VMA22: variants seen among roughly 807,000 people sequenced by gnomAD.
VMA22 encodes vacuolar ATPase assembly protein VMA22.
At chr2:130,342,113 C>T in the VMA22 span, 1 of 1,613,714 alleles carries the variant, frequency 6.2e-7, no homozygotes, top group South Asian at 1.1e-5. Flanking sequence ...GCTCGCAGGT[C>T]AAGCGCCGCC....
the VMA22 span, chr2:130,342,451 A>G: frequency 9.1e-6 from 5 of 549,094 alleles, no homozygotes; most frequent in East Asian, 1.5e-4. Context: ...GCGATGGAAG[A>G]AGGCGAAGCT....
At chr2:130,341,577 A>T in the VMA22 span, 1 of 1,148,916 alleles carries the variant, frequency 8.7e-7, no homozygotes, top group Non-Finnish European at 1.3e-6. Context: ...GCTCTCTCTT[A>T]TCGCAAAAAC....
chr2:130,341,934 G>T, the VMA22 span: 1 of 1,613,628 alleles, frequency 6.2e-7, no homozygotes, highest in Non-Finnish European at 8.5e-7. Flanking sequence ...CTTGGCGAGC[G>T]AGAGCCAGCC....
chr2:130,340,968 TC>T, the VMA22 span: 1 of 1,613,894 alleles, frequency 6.2e-7, no homozygotes. Flanking sequence ...CCAAACCAGT[TC>T]AGGGGGTCCT....
the VMA22 span, chr2:130,342,214 C>T: frequency 6.4e-7 from 1 of 1,561,430 alleles, no homozygotes; most frequent in Non-Finnish European, 8.7e-7. Flanking sequence ...GATCCTCCAT[C>T]AAGGGGCGTT....
At chr2:130,341,745 C>CCTCGCTGGGA in the VMA22 span, 1 of 1,611,352 alleles carries the variant, frequency 6.2e-7, no homozygotes, top group Non-Finnish European at 8.5e-7. Flanking sequence ...CCCTCCTGGG[C>CCTCGCTGGGA]CTCGCTGAAG....
chr2:130,338,886 T>A, the VMA22 span: 19 of 527,976 alleles, frequency 3.6e-5, no homozygotes, highest in Non-Finnish European at 6.5e-5. Context: ...TGTGAGTGTG[T>A]CCTATGGGAA....
At chr2:130,340,795 G>A in the VMA22 span, 1 of 1,348,028 alleles carries the variant, frequency 7.4e-7, no homozygotes, top group South Asian at 1.2e-5. Context: ...TTGGATGGAG[G>A]AAAACCTGCA....
chr2:130,341,966 G>A, the VMA22 span: 1 of 1,613,116 alleles, frequency 6.2e-7, no homozygotes, highest in Non-Finnish European at 8.5e-7. Context: ...GGAAAGCGGT[G>A]AGACTCAGTT....
the VMA22 span, chr2:130,339,693 G>A: frequency 1.5e-6 from 2 of 1,304,402 alleles, no homozygotes; most frequent in Non-Finnish European, 2.0e-6. Flanking sequence ...CTCCTGTTCA[G>A]CAGCAGGGCT....
At chr2:130,339,826 C>T in the VMA22 span, 12 of 1,287,924 alleles carry the variant, frequency 9.3e-6, no homozygotes, top group African/African-American at 4.6e-5. Context: ...CCTCACCTCC[C>T]GTCCATACTC....
chr2:130,339,867 C>A, the VMA22 span: 2 of 1,220,030 alleles, frequency 1.6e-6, no homozygotes, highest in Non-Finnish European at 2.1e-6. Context: ...CATCCTATCT[C>A]AGCTTTAAAC....
At chr2:130,341,503 A>T in the VMA22 span, 5 of 607,672 alleles carry the variant, frequency 8.2e-6, no homozygotes, top group Non-Finnish European at 1.5e-5. Flanking sequence ...CAATTTCTCT[A>T]CTTCCTATAA....
At chr2:130,341,983 C>G in the VMA22 span, 2 of 1,613,016 alleles carry the variant, frequency 1.2e-6, no homozygotes, top group African/African-American at 1.3e-5. Context: ...AGTTTACGCC[C>G]GTGTACCCTC....
chr2:130,340,949 A>G, the VMA22 span: 9 of 1,614,064 alleles, frequency 5.6e-6, no homozygotes, highest in Non-Finnish European at 6.8e-6. Context: ...ACTGTGAGGA[A>G]CTAGGATTCC....
the VMA22 span, chr2:130,341,820 C>T: frequency 3.4e-5 from 53 of 1,553,476 alleles, 1 homozygote; most frequent in Non-Finnish European, 4.6e-5. Context: ...CCCACCCAGC[C>T]CAGCATGGAA....
chr2:130,339,170 G>A, the VMA22 span: 1 of 1,614,176 alleles, frequency 6.2e-7, no homozygotes, highest in East Asian at 2.2e-5. Flanking sequence ...AGTCCCCGGA[G>A]CTGGCTTCGA....
the VMA22 span, chr2:130,341,801 G>GGGCCCCCCCCCCCCCCC: frequency 1.5e-6 from 2 of 1,378,130 alleles, no homozygotes; most frequent in Non-Finnish European, 2.0e-6. Flanking sequence ...CCTAGAACGC[G>GGGCCCCCCCCCCCCCCC]CCCGCCCGCC....
the VMA22 span, chr2:130,341,158 T>C: frequency 7.8e-7 from 1 of 1,287,066 alleles, no homozygotes; most frequent in East Asian, 2.5e-5. Flanking sequence ...GTTGGAAAAT[T>C]CCAACTTTGG....
Sources: allele counts gnomAD v4.1 joint callset, GRCh38; gene constraint gnomAD v4.1.1; transcripts MANE v1.5; gene names NCBI Gene and HGNC (gene_info 2026-07-23, HGNC 2026-07-21).